The following SLC35F1 variants were observed in gnomAD, a reference collection of about 807,000 sequenced individuals.
SLC35F1 encodes solute carrier family 35 member F1.
In SLC35F1, 14 loss-of-function variants were observed where a neutral mutation model predicts 48.7. The ratio of observed to expected loss-of-function variants is 0.29; its 90% confidence interval spans 0.19 to 0.45. The LOEUF (loss-of-function observed/expected upper bound fraction) is 0.45, where lower values mean the gene tolerates loss of function less well. SLC35F1 is among the 20% of genes least tolerant of loss of function. The pLI is 1.00. For missense variants in SLC35F1, 404 were observed against 500.0 expected, an observed-to-expected ratio of 0.81 and a Z score of 1.83; for synonymous variants, 190 against 202.2, an observed-to-expected ratio of 0.94 and a Z score of 0.51.
At chr6:118,113,158 A>G (rs1222306622) in intron 1 of SLC35F1, among the ~76,000 whole-genome samples, 1 of 152,090 alleles carries the variant, frequency 6.6e-6, no homozygotes, top group African/African-American at 2.4e-5. Context: ...TGTCATGAAC[A>G]TAGCTCACTG....
At chr6:118,075,734 A>G (rs1027142213) in intron 1 of SLC35F1, among the ~76,000 whole-genome samples, 2 of 152,242 alleles carry the variant, frequency 1.3e-5, no homozygotes, top group African/African-American at 4.8e-5. Context: ...ATTTTAAAGT[A>G]TATATCTAAA....
At chr6:118,191,530 G>T (rs530157899) in intron 2 of SLC35F1, among the ~76,000 whole-genome samples, 1 of 152,142 alleles carries the variant, frequency 6.6e-6, no homozygotes, top group Non-Finnish European at 1.5e-5. Context: ...CCAAGAGTGT[G>T]GAGGGACCCT....
At chr6:118,029,893 C>G (rs1164141916) in intron 1 of SLC35F1, among the ~76,000 whole-genome samples, 2 of 152,144 alleles carry the variant, frequency 1.3e-5, no homozygotes, top group Non-Finnish European at 2.9e-5. Flanking sequence ...GGCTTTGCAT[C>G]CCTTTCCTTT....
At chr6:118,101,903 A>G (rs1178068687) in intron 1 of SLC35F1, among the ~76,000 whole-genome samples, 1 of 152,200 alleles carries the variant, frequency 6.6e-6, no homozygotes, top group African/African-American at 2.4e-5. Flanking sequence ...CTCAAATCAT[A>G]TGAGTTTAAT....
intron 1 of SLC35F1, among the ~76,000 whole-genome samples, chr6:118,057,022 G>T (rs1380642940): frequency 1.3e-5 from 2 of 152,026 alleles, no homozygotes; most frequent in Non-Finnish European, 2.9e-5. Flanking sequence ...GGTGAAAAGT[G>T]TTCTGGTCCT....
At chr6:118,077,033 T>C (rs1396623377) in intron 1 of SLC35F1, among the ~76,000 whole-genome samples, 2 of 152,242 alleles carry the variant, frequency 1.3e-5, no homozygotes, top group African/African-American at 2.4e-5. Flanking sequence ...TTTATGTTTT[T>C]TAAAATGAAA....
intron 2 of SLC35F1, among the ~76,000 whole-genome samples, chr6:118,188,151 G>C (rs940358426): frequency 2.0e-5 from 3 of 152,174 alleles, no homozygotes; most frequent in Non-Finnish European, 4.4e-5. Context: ...ACTTTTTCCT[G>C]GTAGTGGCAC....
chr6:118,252,434 T>C (rs1208182340), intron 3 of SLC35F1, among the ~76,000 whole-genome samples: 1 of 152,130 alleles, frequency 6.6e-6, no homozygotes, highest in Non-Finnish European at 1.5e-5. Flanking sequence ...TTGGCCTCAG[T>C]CACCGGGGGA....
intron 1 of SLC35F1, among the ~76,000 whole-genome samples, chr6:117,934,466 CA>C (rs1776139908): frequency 6.6e-6 from 1 of 152,046 alleles, no homozygotes; most frequent in South Asian, 2.1e-4. Context: ...TTAATAGTCG[CA>C]AAATAGCCTC....
At chr6:118,192,334 C>A (rs1033770952) in intron 2 of SLC35F1, among the ~76,000 whole-genome samples, 3 of 152,046 alleles carry the variant, frequency 2.0e-5, no homozygotes, top group Non-Finnish European at 4.4e-5. Flanking sequence ...GAATTCTTAT[C>A]CAGTCCAATC....
chr6:118,023,672 A>G (rs1777427802), intron 1 of SLC35F1, among the ~76,000 whole-genome samples: 1 of 152,128 alleles, frequency 6.6e-6, no homozygotes, highest in African/African-American at 2.4e-5. Flanking sequence ...CCTATATCAC[A>G]GTGTCTGCTC....
At chr6:118,174,311 C>A (rs1209505857) in intron 2 of SLC35F1, among the ~76,000 whole-genome samples, 1 of 152,042 alleles carries the variant, frequency 6.6e-6, no homozygotes, top group Non-Finnish European at 1.5e-5. Context: ...AAATCAAGTT[C>A]CAGTGGGATC....
At chr6:118,110,224 T>C (rs1045065180) in intron 1 of SLC35F1, among the ~76,000 whole-genome samples, 1 of 151,846 alleles carries the variant, frequency 6.6e-6, no homozygotes, top group Non-Finnish European at 1.5e-5. Flanking sequence ...CTAAACAAAC[T>C]GAAAATCAAC....
At chr6:118,225,630 A>G (rs1775205362) in intron 2 of SLC35F1, among the ~76,000 whole-genome samples, 1 of 152,214 alleles carries the variant, frequency 6.6e-6, no homozygotes, top group Non-Finnish European at 1.5e-5. Context: ...GCAAAAGCAA[A>G]CATGAACAAA....
chr6:117,970,776 A>G (rs1397183159), intron 1 of SLC35F1, among the ~76,000 whole-genome samples: 1 of 152,152 alleles, frequency 6.6e-6, no homozygotes, highest in Non-Finnish European at 1.5e-5. Context: ...TGTGAGACTT[A>G]TTCACTGTCA....
chr6:118,256,897 A>G (rs1775653168), intron 3 of SLC35F1, among the ~76,000 whole-genome samples: 1 of 152,178 alleles, frequency 6.6e-6, no homozygotes, highest in Non-Finnish European at 1.5e-5. Context: ...AGTTGTGAAG[A>G]TTCAGTTATC....
chr6:118,238,302 G>A lies in SLC35F1; in HGVS notation c.477+2666G>A, dbSNP rs140310335. ...AGCAGAAACTGTCTTTTGATAAGCCGGGCATACAGTTGTGCACCTCTGTAG... is the reference window on the plus strand; with the variant it reads ...AGCAGAAACTGTCTTTTGATAAGCCAGGCATACAGTTGTGCACCTCTGTAG... On this transcript the variant is annotated intron_variant, in intron 3 of 7. Transcript: ENST00000360388. Among the ~76,000 whole-genome samples, 155 of 152,086 alleles carry A rather than the reference G, an allele frequency of 1.0e-3. No homozygotes were observed. In the East Asian group the frequency reaches 0.02, roughly 19 times the overall value.
intron 1 of SLC35F1, among the ~76,000 whole-genome samples, chr6:118,052,953 T>C (rs1481326748): frequency 1.3e-5 from 2 of 152,190 alleles, no homozygotes; most frequent in Non-Finnish European, 2.9e-5. Flanking sequence ...GTGTTTGTCC[T>C]GTTCTCAAAG....
chr6:118,069,266 T>G (rs1772664137), intron 1 of SLC35F1, among the ~76,000 whole-genome samples: 1 of 152,188 alleles, frequency 6.6e-6, no homozygotes. Flanking sequence ...CCTCATCATA[T>G]GAAGGTAACA....
Sources: allele counts gnomAD v4.1 joint callset (sites outside exome capture counted in the v4.1 genomes callset), GRCh38; gene constraint gnomAD v4.1.1; transcripts MANE v1.5; gene names NCBI Gene and HGNC (gene_info 2026-07-23, HGNC 2026-07-21).